Variants in EP400 observed in about 807,000 individuals in gnomAD.
EP400 encodes E1A binding protein p400, also known as E1A-binding protein p400.
Under a neutral mutation model 354.1 loss-of-function variants are expected in EP400, and 105 were observed. That is an observed-to-expected ratio of 0.30 (90% CI 0.25 to 0.35). The LOEUF is 0.35. Among genes scored for constraint, EP400 ranks in the 10% least tolerant of loss-of-function variants. The pLI is 1.00. For missense variants in EP400, 3,280 were observed against 4,121.0 expected (o/e 0.80, Z 5.59); for synonymous variants, 1,646 against 1,716.9 (o/e 0.96, Z 1.02).
Position 132,027,577 on chromosome 12 carries a change from T to G in EP400, c.5109+46T>G. The G allele has an allele frequency of 6.8e-7, 1 of 1,480,778 alleles. No homozygotes were observed. Among genetic ancestry groups the G allele is most frequent in the Non-Finnish European group, 9.2e-7 (1 of 1,085,572 alleles). The allele number at this position is 1,480,778 out of a possible 1,614,324, so 91.7% of individuals were successfully genotyped here. ...CCCCGGTGCACGTGGACAGGTAGCT[T>G]TCCAAGAGCTGCTCGTTGTGTTTGG... On this transcript the variant is annotated intron_variant, in intron 26 of 52. Transcript: ENST00000389561. The surrounding 1 kb of genome is among the most constrained non-coding windows in gnomAD (Gnocchi z 4.9).
At chr12:131,966,383 A>G (rs879195536) in intron 2 of EP400, among the ~76,000 whole-genome samples, 11 of 151,850 alleles carry the variant, frequency 7.2e-5, no homozygotes, top group African/African-American at 2.7e-4. Context: ...AGCTTGGCCA[A>G]CGTGGTGAAA....
chr12:132,000,101 T>G (rs1173370082), intron 12 of EP400, among the ~76,000 whole-genome samples: 1 of 151,990 alleles, frequency 6.6e-6, no homozygotes, highest in African/African-American at 2.4e-5. Flanking sequence ...CTTCCTAATT[T>G]TCATCAGCTC....
chr12:132,005,019 A>G (rs774290788), intron 12 of EP400, 58 bp from the exon 13 acceptor site: 388 of 1,382,440 alleles, frequency 2.8e-4, no homozygotes, highest in Non-Finnish European at 3.7e-4. Flanking sequence ...CTCCTTCCCA[A>G]TTTAAATTAC....
chr12:132,021,899 T>A (rs1047977045), intron 23 of EP400, among the ~76,000 whole-genome samples: 2 of 152,230 alleles, frequency 1.3e-5, no homozygotes, highest in African/African-American at 4.8e-5. Flanking sequence ...GTGGGATTAG[T>A]ATGTTTTCAA....
chr12:132,061,991 C>T (rs770493309), intron 45 of EP400, 119 bp from the exon 46 acceptor site: 4 of 778,082 alleles, frequency 5.1e-6, no homozygotes, highest in Non-Finnish European at 8.4e-6. Flanking sequence ...TGAACTCTAG[C>T]GTGTGTTTCA....
At chr12:132,015,985 C>T (rs1230402722) in intron 19 of EP400, among the ~76,000 whole-genome samples, 1 of 152,182 alleles carries the variant, frequency 6.6e-6, no homozygotes, top group African/African-American at 2.4e-5. Flanking sequence ...TCCCTACCTG[C>T]CCAGACCCCC....
intron 2 of EP400, among the ~76,000 whole-genome samples, chr12:131,964,427 A>G (rs770472115): frequency 1.3e-5 from 2 of 152,188 alleles, no homozygotes; most frequent in Non-Finnish European, 2.9e-5. Context: ...AGATTGTGTC[A>G]CTGCACTCCA....
Position 132,037,804 on chromosome 12 carries a change from T to A in EP400, c.6063+11T>A, listed in dbSNP as rs1434260878. On this transcript the variant is annotated intron_variant, in intron 31 of 52. Transcript: ENST00000389561. ...GCTTTCTTAACTCAGGTACTCCTTA[T>A]TCAATGAGAGGCCTGAGGTGAGACC... 1 of 1,613,740 alleles carries A rather than the reference T, an allele frequency of 6.2e-7. No homozygotes were observed. Among genetic ancestry groups the A allele is most frequent in the South Asian group, 1.1e-5 (1 of 91,074 alleles).
intron 1 of EP400, among the ~76,000 whole-genome samples, chr12:131,950,631 G>A (rs1891439614): frequency 6.6e-6 from 1 of 152,200 alleles, no homozygotes. Context: ...GGTCCTCCAC[G>A]GCGGAGCCTT....
chr12:132,069,518 C>T lies in EP400; in HGVS notation c.8898C>T (p.Thr2966=), dbSNP rs1201902583. The T allele has an allele frequency of 6.2e-7, 1 of 1,614,190 alleles. No individual in the cohort carries two copies. Among genetic ancestry groups the T allele is most frequent in the Non-Finnish European group, 8.5e-7 (1 of 1,180,000 alleles). The stretch of plus-strand genomic sequence containing the variant: ...AGATCACCGCACAGCAGATCACCAC[C>T]CCTGGCGCGCAGCAGAAGGTTGCCT... ...QQKITAQQIT[T]PGAQQKVAYA... is the part of the protein sequence containing the mutation. The change falls in exon 51 of 53, where the codon ACC becomes ACT. Residue 2966 remains threonine, a synonymous_variant. Transcript: ENST00000389561.
In EP400 at chr12:132,050,219, A is replaced by G. The variant is rs1895245684; in HGVS notation, c.7201-104A>G. 5 of 1,386,374 alleles carry G rather than the reference A, an allele frequency of 3.6e-6. No individual in the cohort carries two copies. The highest frequency in any genetic ancestry group is 4.0e-6 in the Non-Finnish European group (4 of 1,007,878). The allele number at this position is 1,386,374 out of a possible 1,614,324, so 85.9% of individuals were successfully genotyped here. On this transcript the variant is annotated intron_variant, in intron 39 of 52. Transcript: ENST00000389561. The surrounding 1 kb of genome is among the most constrained non-coding windows in gnomAD (Gnocchi z 4.8). ...AGGAAAAGGAAGTTTGTGTTCAGCC[A>G]TGGGGAGTTTAGCCTCAGATTCCCA... is the stretch of plus-strand genomic sequence containing the variant.
At position 132,067,354 on chromosome 12, in the gene EP400, G is replaced by GC. The variant is rs1331840609; in HGVS notation, c.8750-6dup. The GC allele has an allele frequency of 6.2e-7, 1 of 1,611,062 alleles. No homozygotes were observed. The highest frequency in any genetic ancestry group is 8.5e-7 in the Non-Finnish European group (1 of 1,178,610). ...GTGTGCTGACTAAGGGGCTTTTGCT[G>GC]CCTGCAGGACAGACCGTGGTGGCCC... is the stretch of plus-strand genomic sequence containing the variant. On this transcript the variant is annotated splice_region_variant and splice_polypyrimidine_tract_variant and intron_variant, in intron 49 of 52. Transcript: ENST00000389561. The surrounding 1 kb of genome is among the most constrained non-coding windows in gnomAD (Gnocchi z 5.3).
At chr12:131,970,209 A>G (rs1289992796) in intron 2 of EP400, among the ~76,000 whole-genome samples, 3 of 152,242 alleles carry the variant, frequency 2.0e-5, no homozygotes, top group Non-Finnish European at 4.4e-5. Context: ...CAGTAGGACA[A>G]TAGGCCAGGA....
chr12:132,046,010 T>C (rs1895084030), intron 39 of EP400, 110 bp downstream of exon 39: 1 of 1,376,638 alleles, frequency 7.3e-7, no homozygotes, highest in Non-Finnish European at 9.9e-7. Context: ...CCTTCATCCC[T>C]GTGGGTCTGC....
At chr12:132,049,388 T>G (rs867298574) in intron 39 of EP400, among the ~76,000 whole-genome samples, 2 of 152,228 alleles carry the variant, frequency 1.3e-5, no homozygotes, top group Non-Finnish European at 2.9e-5. Context: ...TGGTACAGTG[T>G]TCCGGAAGCA....
intron 52 of EP400, 29 bp from the exon 53 acceptor site, chr12:132,077,372 A>T (rs747617091): frequency 1.3e-6 from 2 of 1,595,344 alleles, no homozygotes; most frequent in East Asian, 2.2e-5. Flanking sequence ...TTCCTGGGCA[A>T]TGTGTGTTTT....
At chr12:131,956,388 T>C (rs1185745346) in intron 1 of EP400, among the ~76,000 whole-genome samples, 1 of 152,226 alleles carries the variant, frequency 6.6e-6, no homozygotes, top group African/African-American at 2.4e-5. Flanking sequence ...TTTCACTTAA[T>C]GTATCTGGAA....
rs1416732953 is a variant in EP400 at position 131,990,174 on chromosome 12, C to T, written c.2550+70C>T. ...GAGCTGGTGAGGCCACTTCCCGAGA[C>T]CAGAGCTCGGGCACCTTGCTTAGGA... On this transcript the variant is annotated intron_variant, in intron 8 of 52. Transcript: ENST00000389561. The surrounding 1 kb of genome is among the most constrained non-coding windows in gnomAD (Gnocchi z 4.2). 2 of 1,528,688 alleles carry T rather than the reference C, an allele frequency of 1.3e-6. No homozygotes were observed. Among genetic ancestry groups the T allele is most frequent in the Non-Finnish European group, 1.8e-6 (2 of 1,139,052 alleles). 94.7% of individuals were successfully genotyped at this position (1,528,688 alleles called of 1,614,324 possible).
At position 132,027,321 on chromosome 12, in the gene EP400, A is replaced by C. The variant is rs920811546; in HGVS notation, c.5015-116A>C. On this transcript the variant is annotated intron_variant, in intron 25 of 52. Transcript: ENST00000389561. This position sits in a 1 kb window ranked among gnomAD's most constrained non-coding sequence, Gnocchi z 4.9. ...AGGACTTGGGGACATGCCGTTGCAG[A>C]ATGACTTTCTGTGGAGTGTGCTGGT... The C allele has an allele frequency of 9.9e-7, 1 of 1,009,494 alleles. No homozygotes were observed. The highest frequency in any genetic ancestry group is 1.6e-5 in the African/African-American group (1 of 63,390). 62.5% of individuals were successfully genotyped at this position (1,009,494 alleles called of 1,614,324 possible).
Sources: allele counts gnomAD v4.1 joint callset (sites outside exome capture counted in the v4.1 genomes callset), GRCh38; gene constraint gnomAD v4.1.1; non-coding constraint Gnocchi (gnomAD v3.1); transcripts MANE v1.5; gene names NCBI Gene and HGNC (gene_info 2026-07-23, HGNC 2026-07-21).